The following VPS13D variants were observed in gnomAD, a reference collection of about 807,000 sequenced individuals.
VPS13D encodes the protein intermembrane lipid transfer protein VPS13D.
In VPS13D, 187 loss-of-function variants were observed where a neutral mutation model predicts 461.9. That is an observed-to-expected ratio of 0.40 (90% confidence interval 0.36 to 0.46). The LOEUF (loss-of-function observed/expected upper bound fraction) is 0.46, where lower values mean the gene tolerates loss of function less well. VPS13D is among the 20% of genes least tolerant of loss of function. The pLI is 0.60. For missense variants in VPS13D, 4,711 were observed against 5,364.9 expected, an observed-to-expected ratio of 0.88 and a Z score of 3.81; for synonymous variants, 1,951 against 1,986.3, an observed-to-expected ratio of 0.98 and a Z score of 0.47.
rs2101271149 is a variant in VPS13D, at chr1:12,258,033, G to A, written c.1040G>A (p.Arg347His). 4 of 1,614,198 alleles carry A rather than the reference G, an allele frequency of 2.5e-6. No homozygotes were observed. The highest frequency in any genetic ancestry group is 2.2e-5 in the East Asian group (1 of 44,892). ...TGGGACTTTATGTTGCACCGCGCTC[G>A]TGATGCTGTATCTTACACTGACAAA... The part of the protein sequence containing the change: ...CTWDFMLHRA[R>H]DAVSYTDKYF... Residue 347 changes from arginine (R) to histidine (H), a missense_variant, in exon 10 of 70, where the codon CGT becomes CAT. Coordinates refer to ENST00000620676, the MANE Select transcript of VPS13D (RefSeq NM_015378.4).
In VPS13D at chr1:12,468,167, CATAAG is replaced by C. The variant is rs1321838249; in HGVS notation, c.12662+7778_12662+7782del. Among the ~76,000 whole-genome samples the C allele has an allele frequency of 5.9e-5, 9 of 152,292 alleles. No homozygotes were observed. The East Asian group carries it at 9.6e-4, about 16-fold the overall frequency. On this transcript the variant is annotated intron_variant, in intron 67 of 69. Coordinates refer to ENST00000620676, the MANE Select transcript of VPS13D (RefSeq NM_015378.4). ...CTAACGTGACACCTAATATTACATA[CATAAG>C]ATAAGACATTTGAGATTTTTGGTTT...
In VPS13D at chr1:12,262,094, A is replaced by G; in HGVS notation, c.1594+14A>G. 2 of 1,598,948 alleles carry G rather than the reference A, an allele frequency of 1.3e-6. No homozygotes were observed. The highest frequency in any genetic ancestry group is 1.7e-6 in the Non-Finnish European group (2 of 1,169,768). On this transcript the variant is annotated intron_variant, in intron 13 of 69. Coordinates refer to ENST00000620676, the MANE Select transcript of VPS13D (RefSeq NM_015378.4). Reference sequence around the variant, plus strand: ...TCGAGTTTTCAGGTACACTGCCCCCAAGAAACTACCTGCCACTGTTGTCTC... The same window carrying G: ...TCGAGTTTTCAGGTACACTGCCCCCGAGAAACTACCTGCCACTGTTGTCTC...
intron 65 of VPS13D, among the ~76,000 whole-genome samples, chr1:12,436,570 G>A (rs1645063490): frequency 6.6e-6 from 1 of 152,176 alleles, no homozygotes; most frequent in African/African-American, 2.4e-5. Flanking sequence ...AGACTTAACT[G>A]AATGTTTCAC....
intron 52 of VPS13D, 106 bp downstream of exon 52, chr1:12,363,353 A>T: frequency 8.0e-7 from 1 of 1,257,468 alleles, no homozygotes; most frequent in South Asian, 1.5e-5. Flanking sequence ...TCTGGCTCAG[A>T]CAGAGGTCTT....
intron 63 of VPS13D, among the ~76,000 whole-genome samples, chr1:12,408,784 C>T (rs1014981882): frequency 1.3e-5 from 2 of 152,208 alleles, no homozygotes; most frequent in African/African-American, 4.8e-5. Flanking sequence ...TTTGTAGCAT[C>T]CTCTGCCATT....
intron 67 of VPS13D, among the ~76,000 whole-genome samples, chr1:12,494,788 A>G (rs1379127424): frequency 2.0e-5 from 3 of 152,210 alleles, no homozygotes; most frequent in Non-Finnish European, 2.9e-5. Flanking sequence ...TGTCAGGAAG[A>G]TGGGGTTCTA....
rs929413068 is a variant in VPS13D, at chr1:12,511,604, A to T, written c.*2580A>T. ...TGAGGAAAGTAAAATAAATGGAATAAGAGTAAATTGGGTAAGGAGATATCC... is the reference window on the plus strand; with the variant it reads ...TGAGGAAAGTAAAATAAATGGAATATGAGTAAATTGGGTAAGGAGATATCC... On this transcript the variant is annotated 3_prime_UTR_variant, in exon 70 of 70. Coordinates refer to ENST00000620676, the MANE Select transcript of VPS13D (RefSeq NM_015378.4). The surrounding 1 kb of genome is among the most constrained non-coding windows in gnomAD (Gnocchi z 4.5). The T allele has an allele frequency of 2.0e-5, 3 of 152,256 alleles. No individual in the cohort carries two copies. The highest frequency in any genetic ancestry group is 2.9e-5 in the Non-Finnish European group (2 of 68,058). The allele number at this position is 152,256 out of a possible 1,614,324, so 9.4% of individuals were successfully genotyped here.
Position 12,355,994 on chromosome 1 carries a change from C to T in VPS13D, c.9775C>T (p.Arg3259Cys), listed in dbSNP as rs1161255678. 14 of 1,613,974 alleles carry T rather than the reference C, an allele frequency of 8.7e-6. No individual in the cohort carries two copies. The highest frequency in any genetic ancestry group is 8.0e-5 in the African/African-American group (6 of 74,894). ...MVRMRLYDVN[R>C]RQLNLTIRIV... ...GAGAATGCGACTCTATGACGTCAAC[C>T]GTCGGCAGCTGAACCTCACCATCCG... Residue 3259 changes from arginine to cysteine, a missense_variant, in exon 48 of 70, where the codon CGT becomes TGT. By Grantham distance (180) the Arg-to-Cys change is radical. Around this residue, in one of 3 missense-constraint regions of VPS13D, gnomAD observed 4,411 missense variants for 4,937.8 expected, o/e 0.89. Coordinates refer to ENST00000620676, the MANE Select transcript of VPS13D (RefSeq NM_015378.4).
intron 67 of VPS13D, among the ~76,000 whole-genome samples, chr1:12,471,602 T>C (rs2100451771): frequency 6.6e-6 from 1 of 152,344 alleles, no homozygotes; most frequent in African/African-American, 2.4e-5. Flanking sequence ...TTTGACTTCA[T>C]GTTGTTATAC....
Position 12,279,200 on chromosome 1 carries a change from T to A in VPS13D, c.4451-299T>A, listed in dbSNP as rs942184260. Among the ~76,000 whole-genome samples the A allele has an allele frequency of 1.3e-5, 2 of 152,166 alleles. No homozygotes were observed. The highest frequency in any genetic ancestry group is 4.8e-5 in the African/African-American group (2 of 41,430). On this transcript the variant is annotated intron_variant, in intron 19 of 69. Coordinates refer to ENST00000620676, the MANE Select transcript of VPS13D (RefSeq NM_015378.4). The surrounding 1 kb of genome is among the most constrained non-coding windows in gnomAD (Gnocchi z 4.3). Reference sequence around the variant, plus strand: ...GGTGGCTCAGAGAAGCATAATGTAGTCTCTGGACTGGAATAATGTTCACCA... The same window carrying A: ...GGTGGCTCAGAGAAGCATAATGTAGACTCTGGACTGGAATAATGTTCACCA...
At chr1:12,343,097 T>C in intron 42 of VPS13D, 46 bp downstream of exon 42, 1 of 1,538,114 alleles carries the variant, frequency 6.5e-7, no homozygotes, top group Non-Finnish European at 8.9e-7. Flanking sequence ...AAAGTGGATG[T>C]AAGTGAGGGT....
rs1569945958 is a variant in VPS13D at position 12,338,575 on chromosome 1, CAGTT to C, written c.8626+273_8626+276del. Among the ~76,000 whole-genome samples the C allele has an allele frequency of 2.0e-5, 3 of 152,036 alleles. No individual in the cohort carries two copies. The East Asian group carries it at 5.8e-4, about 29-fold the overall frequency. On this transcript the variant is annotated intron_variant, in intron 40 of 69. Coordinates refer to ENST00000620676, the MANE Select transcript of VPS13D (RefSeq NM_015378.4). The stretch of plus-strand genomic sequence containing the variant: ...ATGCAGAAATATGTTAATACAATGT[CAGTT>C]AGAGGTGATTTCTCATATTGAAGAG...
intron 54 of VPS13D, among the ~76,000 whole-genome samples, chr1:12,370,990 G>T (rs1416234629): frequency 3.9e-5 from 6 of 152,120 alleles, no homozygotes; most frequent in Non-Finnish European, 1.5e-5. Flanking sequence ...GAGTATATCA[G>T]ATACTAATTA....
intron 55 of VPS13D, among the ~76,000 whole-genome samples, chr1:12,377,043 GT>G (rs990866173): frequency 6.6e-6 from 1 of 151,720 alleles, no homozygotes; most frequent in African/African-American, 2.4e-5. Context: ...CAGTAAATGA[GT>G]TTTTTTCTTT....
chr1:12,433,388 C>G (rs925188075), intron 65 of VPS13D, among the ~76,000 whole-genome samples: 1 of 152,174 alleles, frequency 6.6e-6, no homozygotes, highest in Non-Finnish European at 1.5e-5. Context: ...TCTCAGAGCC[C>G]TCACTTGGGT....
intron 51 of VPS13D, 59 bp from the exon 52 acceptor site, chr1:12,363,013 T>G: frequency 6.3e-7 from 1 of 1,598,756 alleles, no homozygotes; most frequent in Non-Finnish European, 8.5e-7. Context: ...AGGTACTCAG[T>G]AACACTTATT....
intron 57 of VPS13D, among the ~76,000 whole-genome samples, chr1:12,381,970 CTTTCTTTCTT>C (rs1487130464): frequency 3.0e-4 from 39 of 131,988 alleles, no homozygotes; most frequent in African/African-American, 9.3e-4. Context: ...TTCTTTCTTT[CTTTCTTTCTT>C]TCTCTCTCTC....
chr1:12,450,508 C>A (rs1645249416), intron 65 of VPS13D, among the ~76,000 whole-genome samples: 1 of 152,116 alleles, frequency 6.6e-6, no homozygotes, highest in African/African-American at 2.4e-5. Context: ...TATATGCATT[C>A]AGTAGAAACT....
chr1:12,483,629 A>G (rs187393882), intron 67 of VPS13D, among the ~76,000 whole-genome samples: 177 of 152,200 alleles, frequency 1.2e-3, no homozygotes, highest in Admixed American at 3.3e-3. Context: ...CCGTTCCTGT[A>G]AGTTAGAATC....
Sources: allele counts gnomAD v4.1 joint callset (sites outside exome capture counted in the v4.1 genomes callset), GRCh38; gene constraint gnomAD v4.1.1; regional missense constraint gnomAD v4.1.1; non-coding constraint Gnocchi (gnomAD v3.1); transcripts MANE v1.5; gene names NCBI Gene and HGNC (gene_info 2026-07-23, HGNC 2026-07-21).